The following SCARA3 variants were observed in gnomAD, a reference collection of about 807,000 sequenced individuals.
SCARA3 encodes cellular stress response gene protein.
Under a neutral mutation model 47.0 loss-of-function variants are expected in SCARA3, and 39 were observed. The observed-to-expected ratio is 0.83, with a 90% confidence interval of 0.64 to 1.08. The LOEUF is 1.08. Among genes scored for constraint, SCARA3 ranks in the 50% least tolerant of loss-of-function variants. The probability of loss-of-function intolerance (pLI) is 0.00; values close to 1 mark genes in which losing one functional copy is unlikely to be tolerated. For synonymous variants in SCARA3, 356 were observed against 334.1 expected (o/e 1.07, Z -0.71); for missense variants, 724 against 792.3 (o/e 0.91, Z 1.04).
chr8:27,658,707 C>T lies in SCARA3; in HGVS notation c.537C>T (p.His179=). ...QEMGSCSFSI[H]QVNQSLGLFL... is the part of the protein sequence containing the mutation. ...TGGGCAGTTGCTCCTTCTCCATCCACCAGGTTAACCAGTCTCTGGGGCTCT... is the reference window on the plus strand; with the variant it reads ...TGGGCAGTTGCTCCTTCTCCATCCATCAGGTTAACCAGTCTCTGGGGCTCT... The change falls in exon 5 of 6, where the codon CAC becomes CAT. Residue 179 remains histidine (H), a synonymous_variant. Transcript: ENST00000301904. The T allele has an allele frequency of 6.2e-7, 1 of 1,614,094 alleles. No homozygotes were observed. The highest frequency in any genetic ancestry group is 8.5e-7 in the Non-Finnish European group (1 of 1,179,988).
intron 1 of SCARA3, among the ~76,000 whole-genome samples, chr8:27,644,086 A>G (rs1801441259): frequency 6.6e-6 from 1 of 152,050 alleles, no homozygotes. Flanking sequence ...AAAAAAAAAA[A>G]GGAATTTCTC....
the SCARA3 span, among the ~76,000 whole-genome samples, chr8:27,686,947 C>T: frequency 1.3e-5 from 2 of 152,144 alleles, no homozygotes; most frequent in African/African-American, 4.8e-5. Context: ...CTCCCGCTCC[C>T]CACCCACCCC....
chr8:27,687,199 C>T, the SCARA3 span, among the ~76,000 whole-genome samples: 1 of 152,118 alleles, frequency 6.6e-6, no homozygotes, highest in Non-Finnish European at 1.5e-5. Flanking sequence ...AGAAAAGAGG[C>T]ACTTTCTCTT....
the SCARA3 span, among the ~76,000 whole-genome samples, chr8:27,714,187 G>T: frequency 6.4e-5 from 8 of 124,968 alleles, no homozygotes; most frequent in Non-Finnish European, 1.2e-4. Context: ...CCAGTCTCAG[G>T]TATTCCTTTT....
At chr8:27,666,030 C>T (rs1236087957) in intron 5 of SCARA3, among the ~76,000 whole-genome samples, 18 of 152,240 alleles carry the variant, frequency 1.2e-4, no homozygotes, top group Non-Finnish European at 4.4e-5. Context: ...CTCCATCCTA[C>T]TTCCACACTG....
At chr8:27,636,663 A>C (rs981990048) in intron 1 of SCARA3, among the ~76,000 whole-genome samples, 1 of 151,978 alleles carries the variant, frequency 6.6e-6, no homozygotes, top group Non-Finnish European at 1.5e-5. Flanking sequence ...TCATGTGCCG[A>C]GCGGGATTCC....
intron 1 of SCARA3, among the ~76,000 whole-genome samples, chr8:27,644,203 C>T (rs1801444277): frequency 6.6e-6 from 1 of 152,164 alleles, no homozygotes; most frequent in African/African-American, 2.4e-5. Flanking sequence ...TTTTATGGGT[C>T]TGGGTTTGCA....
At chr8:27,680,170 T>A (rs1802336807), downstream of SCARA3, among the ~76,000 whole-genome samples, 1 of 151,054 alleles carries the variant, frequency 6.6e-6, no homozygotes, top group African/African-American at 2.4e-5. Flanking sequence ...TTTAATAAGA[T>A]AGAAAAAGAA....
At chr8:27,641,684 G>A (rs1208546809) in intron 1 of SCARA3, among the ~76,000 whole-genome samples, 2 of 152,190 alleles carry the variant, frequency 1.3e-5, no homozygotes, top group Middle Eastern at 3.2e-3. Context: ...GCGAGGAAAG[G>A]CTGAGTGCAT....
At chr8:27,722,930 C>A in the SCARA3 span, among the ~76,000 whole-genome samples, 1 of 152,142 alleles carries the variant, frequency 6.6e-6, no homozygotes, top group Non-Finnish European at 1.5e-5. Flanking sequence ...ATATGGCCGC[C>A]CCACCTGAAC....
intron 1 of SCARA3, among the ~76,000 whole-genome samples, chr8:27,647,771 C>T (rs540597242): frequency 1.3e-5 from 2 of 152,126 alleles, no homozygotes; most frequent in Non-Finnish European, 2.9e-5. Flanking sequence ...GCGTGAAGGC[C>T]GAGCAGAGGG....
At chr8:27,643,394 G>A (rs1025859573) in intron 1 of SCARA3, among the ~76,000 whole-genome samples, 9 of 152,162 alleles carry the variant, frequency 5.9e-5, no homozygotes, top group Non-Finnish European at 1.0e-4. Flanking sequence ...CCAAAAAAGG[G>A]GCGAGTGCTG....
chr8:27,667,294 G>A (rs1802036588), intron 5 of SCARA3, among the ~76,000 whole-genome samples: 2 of 152,204 alleles, frequency 1.3e-5, no homozygotes, highest in African/African-American at 4.8e-5. Context: ...TGGAGGGCAG[G>A]TGGTGCCCTG....
At chr8:27,720,798 A>C in the SCARA3 span, among the ~76,000 whole-genome samples, 1 of 151,372 alleles carries the variant, frequency 6.6e-6, no homozygotes, top group Non-Finnish European at 1.5e-5. Context: ...CCATCCATTC[A>C]TTCATCTATC....
In SCARA3 at chr8:27,672,759, C is replaced by G. The variant is rs1433444312; in HGVS notation, c.*1408C>G. ...GTCTCCTGTTGGCTACACTCTAAAG[C>G]TGCTTTGCCTTCATGTTCAAACAGA... On this transcript the variant is annotated 3_prime_UTR_variant, in exon 6 of 6. Transcript: ENST00000301904. 4.8e-5 allele frequency: 47 copies of G among 985,476 alleles called. No individual in the cohort carries two copies. Among genetic ancestry groups the G allele is most frequent in the Non-Finnish European group, 5.1e-5 (42 of 830,066 alleles). The allele number at this position is 985,476 out of a possible 1,614,324, so 61.0% of individuals were successfully genotyped here.
At chr8:27,706,383 C>T in the SCARA3 span, among the ~76,000 whole-genome samples, 6 of 152,250 alleles carry the variant, frequency 3.9e-5, no homozygotes, top group Admixed American at 6.5e-5. Flanking sequence ...GAACTCCTGA[C>T]CTCGAGTGAT....
the SCARA3 span, among the ~76,000 whole-genome samples, chr8:27,733,079 A>G: frequency 6.6e-6 from 1 of 152,152 alleles, no homozygotes; most frequent in East Asian, 1.9e-4. Context: ...GTGTTCAAAT[A>G]TTGTGGCCTT....
At chr8:27,713,577 C>T in the SCARA3 span, among the ~76,000 whole-genome samples, 1 of 152,052 alleles carries the variant, frequency 6.6e-6, no homozygotes. Context: ...CATTGGGATC[C>T]TTATTTGCTT....
At chr8:27,649,840 T>C (rs1325323095) in intron 2 of SCARA3, 40 bp downstream of exon 2, 1 of 1,514,858 alleles carries the variant, frequency 6.6e-7, no homozygotes, top group South Asian at 1.2e-5. Flanking sequence ...CGCTCTGGGC[T>C]GAGAGATCCC....
Sources: allele counts gnomAD v4.1 joint callset (sites outside exome capture counted in the v4.1 genomes callset), GRCh38; gene constraint gnomAD v4.1.1; transcripts MANE v1.5; gene names NCBI Gene and HGNC (gene_info 2026-07-23, HGNC 2026-07-21).